Variants in KAZN observed in about 807,000 individuals in gnomAD.
KAZN encodes kazrin, periplakin interacting protein, also known as kazrin.
KAZN carries 40 observed loss-of-function variants against 87.4 expected under a neutral mutation model. That is an observed-to-expected ratio of 0.46 (90% confidence interval 0.36 to 0.60). KAZN has a LOEUF of 0.60. Among genes scored for constraint, KAZN ranks in the 20% least tolerant of loss-of-function variants. The probability of loss-of-function intolerance (pLI) is 0.00; values close to 1 mark genes in which losing one functional copy is unlikely to be tolerated. For missense variants in KAZN, 898 were observed against 1,073.9 expected, an observed-to-expected ratio of 0.84 and a Z score of 2.29; for synonymous variants, 466 against 458.3, an observed-to-expected ratio of 1.02 and a Z score of -0.22.
At chr1:14,038,482 G>C (rs752506046) in intron 1 of KAZN, among the ~76,000 whole-genome samples, 2 of 152,144 alleles carry the variant, frequency 1.3e-5, no homozygotes, top group Admixed American at 6.5e-5. Context: ...GAATAAGCCT[G>C]GGGGAGAGCA....
chr1:14,966,526 T>C (rs1245258667), intron 2 of KAZN, among the ~76,000 whole-genome samples: 1 of 152,224 alleles, frequency 6.6e-6, no homozygotes, highest in Non-Finnish European at 1.5e-5. Context: ...GTTAGATAAT[T>C]GTGGGTGTTC....
rs1644490485 is a variant in KAZN at position 14,111,146 on chromosome 1, A to G, written c.92-69289A>G. On this transcript the variant is annotated intron_variant, in intron 1 of 16. Transcript: ENST00000636203. ...CCATTGAGGGTCTATGCTATGCCAGACATTAGGCAAAATGCTAGAGATAGG... is the reference window on the plus strand; with the variant it reads ...CCATTGAGGGTCTATGCTATGCCAGGCATTAGGCAAAATGCTAGAGATAGG... Among the ~76,000 whole-genome samples, 2 of 134,362 alleles carry G rather than the reference A, an allele frequency of 1.5e-5. 1 individual carries two copies. The highest frequency in any genetic ancestry group is 3.2e-5 in the Non-Finnish European group (2 of 62,890). 88.1% of individuals were successfully genotyped at this position (134,362 alleles called of 152,430 possible).
At chr1:14,233,337 G>A (rs1232003247) in intron 2 of KAZN, among the ~76,000 whole-genome samples, 1 of 152,056 alleles carries the variant, frequency 6.6e-6, no homozygotes, top group Non-Finnish European at 1.5e-5. Flanking sequence ...GTCTCACTAT[G>A]TTCCCCAGGC....
intron 1 of KAZN, among the ~76,000 whole-genome samples, chr1:14,831,794 C>T (rs1462257859): frequency 6.6e-6 from 1 of 152,110 alleles, no homozygotes; most frequent in Admixed American, 6.5e-5. Flanking sequence ...CCTTCATTGC[C>T]TCCTCCAGCT....
At chr1:14,333,808 A>C (rs971796666) in intron 2 of KAZN, among the ~76,000 whole-genome samples, 1 of 151,918 alleles carries the variant, frequency 6.6e-6, no homozygotes, top group African/African-American at 2.4e-5. Context: ...AAGAGGTGAG[A>C]GAATGAGGTG....
At chr1:15,034,009 G>A (rs1320834912) in intron 2 of KAZN, among the ~76,000 whole-genome samples, 1 of 152,150 alleles carries the variant, frequency 6.6e-6, no homozygotes, top group Non-Finnish European at 1.5e-5. Flanking sequence ...CAAATTGCTG[G>A]GATTACAGGC....
chr1:14,389,985 C>T (rs1289831029), intron 2 of KAZN, among the ~76,000 whole-genome samples: 1 of 152,040 alleles, frequency 6.6e-6, no homozygotes, highest in African/African-American at 2.4e-5. Context: ...AATATACACA[C>T]CTACTATGTA....
chr1:14,688,757 G>C (rs1329153947), intron 1 of KAZN, among the ~76,000 whole-genome samples: 1 of 152,244 alleles, frequency 6.6e-6, no homozygotes, highest in East Asian at 1.9e-4. Context: ...GGTGTCTGCT[G>C]TCTTTTAATT....
At chr1:14,646,627 TA>T (rs1680830675) in intron 1 of KAZN, among the ~76,000 whole-genome samples, 1 of 152,108 alleles carries the variant, frequency 6.6e-6, no homozygotes, top group Non-Finnish European at 1.5e-5. Context: ...AGGGGGCTTA[TA>T]GCATCCCTGG....
intron 2 of KAZN, among the ~76,000 whole-genome samples, chr1:14,248,373 C>T (rs1392925516): frequency 1.3e-5 from 2 of 152,258 alleles, no homozygotes; most frequent in East Asian, 3.9e-4. Context: ...TGCTGTGTAC[C>T]AGGAGCCAAA....
At chr1:14,295,788 C>T (rs747185705) in intron 2 of KAZN, among the ~76,000 whole-genome samples, 8 of 152,198 alleles carry the variant, frequency 5.3e-5, no homozygotes, top group Non-Finnish European at 8.8e-5. Context: ...CTTGGCTATG[C>T]AATTGCAGAG....
chr1:14,781,781 G>GA (rs1645357386), intron 1 of KAZN, among the ~76,000 whole-genome samples: 1 of 152,222 alleles, frequency 6.6e-6, no homozygotes, highest in African/African-American at 2.4e-5. Context: ...GCCTGGGCAT[G>GA]AAAAACAGCA....
At chr1:14,790,372 T>C (rs2100687209) in intron 1 of KAZN, among the ~76,000 whole-genome samples, 1 of 152,216 alleles carries the variant, frequency 6.6e-6, no homozygotes, top group Non-Finnish European at 1.5e-5. Context: ...CTTTTTCCAC[T>C]TTTCTTATTT....
At chr1:14,248,278 C>A (rs909600207) in intron 2 of KAZN, among the ~76,000 whole-genome samples, 1 of 152,194 alleles carries the variant, frequency 6.6e-6, no homozygotes, top group Non-Finnish European at 1.5e-5. Flanking sequence ...ACTTTAAACA[C>A]GGCCCTTCCT....
intron 1 of KAZN, among the ~76,000 whole-genome samples, chr1:14,017,587 C>A (rs1432039643): frequency 6.6e-6 from 1 of 152,226 alleles, no homozygotes; most frequent in Admixed American, 6.5e-5. Context: ...CCCAGCCTGT[C>A]TGACCACAGA....
At chr1:14,554,039 C>T (rs1213415868) in intron 2 of KAZN, among the ~76,000 whole-genome samples, 1 of 152,180 alleles carries the variant, frequency 6.6e-6, no homozygotes, top group Non-Finnish European at 1.5e-5. Context: ...AACAAGGCTA[C>T]TGGAGCCAGA....
At chr1:14,784,381 G>A (rs1645442378) in intron 1 of KAZN, among the ~76,000 whole-genome samples, 1 of 152,164 alleles carries the variant, frequency 6.6e-6, no homozygotes, top group South Asian at 2.1e-4. Flanking sequence ...GACCATCAGA[G>A]AGGGAGTCTG....
chr1:14,575,242 T>A (rs886767975), intron 2 of KAZN, among the ~76,000 whole-genome samples: 1 of 152,058 alleles, frequency 6.6e-6, no homozygotes, highest in African/African-American at 2.4e-5. Flanking sequence ...TCTGTTCTCA[T>A]GCTGCTGAGA....
At chr1:14,429,348 C>G (rs1364593981) in intron 2 of KAZN, among the ~76,000 whole-genome samples, 1 of 152,190 alleles carries the variant, frequency 6.6e-6, no homozygotes, top group Non-Finnish European at 1.5e-5. Flanking sequence ...CTCCCCTTTT[C>G]TCTTGTTCTG....
Sources: gnomAD v4.1 joint callset for allele counts (sites outside exome capture counted in the v4.1 genomes callset) on GRCh38, gnomAD v4.1.1 for gene constraint, MANE v1.5 for transcripts, NCBI Gene and HGNC (gene_info 2026-07-23, HGNC 2026-07-21) for gene names.